The following UTP25 variants were observed in gnomAD, a reference collection of about 807,000 sequenced individuals.
UTP25 encodes the protein UTP25 small subunit processome component.
In UTP25, 50 loss-of-function variants were observed where a neutral mutation model predicts 78.9. The observed-to-expected ratio is 0.63, with a 90% confidence interval of 0.50 to 0.80. The LOEUF (loss-of-function observed/expected upper bound fraction) is 0.80, where lower values mean the gene tolerates loss of function less well. Ranked by LOEUF, UTP25 falls within the 30% of genes least tolerant of loss-of-function variation. The probability of loss-of-function intolerance (pLI) is 0.00; values close to 1 mark genes in which losing one functional copy is unlikely to be tolerated. For missense variants in UTP25, 846 were observed against 911.3 expected (o/e 0.93, Z 0.92); for synonymous variants, 329 against 336.5 (o/e 0.98, Z 0.24).
At chr1:209,836,598 C>T (rs2078134153) in intron 5 of UTP25, among the ~76,000 whole-genome samples, 1 of 152,176 alleles carries the variant, frequency 6.6e-6, no homozygotes, top group Non-Finnish European at 1.5e-5. Flanking sequence ...TCTGTGTAAA[C>T]TTTGTATCAT....
At chr1:209,828,267 A>G (rs978291697) in intron 1 of UTP25, 97 bp downstream of exon 1, 2 of 914,600 alleles carry the variant, frequency 2.2e-6, no homozygotes, top group African/African-American at 1.7e-5. Context: ...GCCTTTTCCC[A>G]CTATTCCCTG....
intron 11 of UTP25, among the ~76,000 whole-genome samples, chr1:209,846,897 G>T (rs2078200303): frequency 6.6e-6 from 1 of 152,128 alleles, no homozygotes; most frequent in Admixed American, 6.5e-5. Context: ...GATTGTGAGG[G>T]TATTTCACAG....
rs1427652915 is a variant in UTP25 at position 209,854,625 on chromosome 1, G to T, written c.*3178G>T. ...AGGAGGAAAGGGAAAGGCAGGTGGG[G>T]CCAGACCCTATTGGCCATCTGACCA... On this transcript the variant is annotated 3_prime_UTR_variant, in exon 12 of 12. Coordinates refer to ENST00000491415, the MANE Select transcript of UTP25 (RefSeq NM_014388.7). 1 of 152,364 alleles carries T rather than the reference G, an allele frequency of 6.6e-6. No homozygotes were observed. Among genetic ancestry groups the T allele is most frequent in the African/African-American group, 2.4e-5 (1 of 41,452 alleles). 9.4% of individuals were successfully genotyped at this position (152,364 alleles called of 1,614,324 possible). A position where few individuals can be genotyped will look rare whatever the true frequency, so the allele number is the denominator to read the frequency against.
chr1:209,829,971 G>C, intron 1 of UTP25, 137 bp from the exon 2 acceptor site: 4 of 682,720 alleles, frequency 5.9e-6, no homozygotes, highest in Non-Finnish European at 9.6e-6. Context: ...CCAAGTGCAT[G>C]TGTAATTTTT....
At chr1:209,843,162 GT>G in intron 10 of UTP25, 1 of 453,362 alleles carries the variant, frequency 2.2e-6, no homozygotes, top group Middle Eastern at 6.1e-4. Flanking sequence ...GAGTGACTGA[GT>G]GACTGACTGA....
At chr1:209,838,820 GC>G in intron 6 of UTP25, 88 bp from the exon 7 acceptor site, 3 of 1,428,930 alleles carry the variant, frequency 2.1e-6, no homozygotes, top group Non-Finnish European at 3.0e-6. Flanking sequence ...TCTACATGGA[GC>G]TTTTTAGCTC....
At chr1:209,845,309 T>C (rs1163623901) in intron 11 of UTP25, among the ~76,000 whole-genome samples, 1 of 152,226 alleles carries the variant, frequency 6.6e-6, no homozygotes, top group African/African-American at 2.4e-5. Flanking sequence ...TTCCAGTAAG[T>C]TGTCGTTTCC....
chr1:209,851,121 C>G, intron 11 of UTP25, 83 bp from the exon 12 acceptor site: 1 of 1,475,636 alleles, frequency 6.8e-7, no homozygotes, highest in South Asian at 1.4e-5. Context: ...CAAGCATGAA[C>G]TATGCCTCTG....
intron 8 of UTP25, 38 bp from the exon 9 acceptor site, chr1:209,842,226 CT>C (rs200054209): frequency 1.4e-6 from 2 of 1,449,616 alleles, no homozygotes; most frequent in South Asian, 2.3e-5. Flanking sequence ...TGTAAATGCT[CT>C]CAGTCAACAC....
In UTP25 at chr1:209,856,137, TTC is replaced by T. The variant is rs2078273904; in HGVS notation, c.*4693_*4694del. On this transcript the variant is annotated 3_prime_UTR_variant, in exon 12 of 12. Coordinates refer to ENST00000491415, the MANE Select transcript of UTP25 (RefSeq NM_014388.7). Reference sequence around the variant, plus strand: ...GCTCTAAACAAGTCCTCACGACCACTTCTCAGTTTTCTCATCTTTATGAAGTA... The same window carrying T: ...GCTCTAAACAAGTCCTCACGACCACTTCAGTTTTCTCATCTTTATGAAGTA... 6.6e-6 allele frequency: 1 copy of T among 152,234 alleles called. No individual in the cohort carries two copies. The highest frequency in any genetic ancestry group is 2.4e-5 in the African/African-American group (1 of 41,454). The allele number at this position is 152,234 out of a possible 1,614,324, so 9.4% of individuals were successfully genotyped here.
intron 11 of UTP25, among the ~76,000 whole-genome samples, chr1:209,846,044 G>C (rs180908828): frequency 6.6e-6 from 1 of 151,768 alleles, no homozygotes; most frequent in African/African-American, 2.4e-5. Context: ...TTTAGTAGAC[G>C]AGGTTTTGCC....
intron 10 of UTP25, 55 bp from the exon 11 acceptor site, chr1:209,843,396 G>A: frequency 1.9e-6 from 3 of 1,595,036 alleles, no homozygotes; most frequent in Non-Finnish European, 2.6e-6. Context: ...ACAGTTAAGA[G>A]ACACCATAAG....
chr1:209,833,167 T>G lies in UTP25; in HGVS notation c.389-18T>G. On this transcript the variant is annotated intron_variant, in intron 3 of 11. Coordinates refer to ENST00000491415, the MANE Select transcript of UTP25 (RefSeq NM_014388.7). ...TTTGTGAGTAAATAATTTTATAAAATGTTTCTCAAAACTGCAGATGTAGCT... is the reference window on the plus strand; with the variant it reads ...TTTGTGAGTAAATAATTTTATAAAAGGTTTCTCAAAACTGCAGATGTAGCT... 1 of 1,601,054 alleles carries G rather than the reference T, an allele frequency of 6.2e-7. No individual in the cohort carries two copies. Among genetic ancestry groups the G allele is most frequent in the Non-Finnish European group, 8.5e-7 (1 of 1,175,280 alleles).
At chr1:209,836,655 A>G (rs1333625204) in intron 5 of UTP25, 146 bp from the exon 6 acceptor site, 3 of 818,012 alleles carry the variant, frequency 3.7e-6, no homozygotes, top group African/African-American at 3.4e-5. Flanking sequence ...TAACATGAGT[A>G]TCATGGTAAC....
At chr1:209,850,622 G>C (rs1036318218) in intron 11 of UTP25, among the ~76,000 whole-genome samples, 3 of 152,242 alleles carry the variant, frequency 2.0e-5, no homozygotes, top group Non-Finnish European at 4.4e-5. Flanking sequence ...AGCTGGGAAA[G>C]AGATGGAAAT....
intron 4 of UTP25, 49 bp downstream of exon 4, chr1:209,833,407 A>G: frequency 6.8e-7 from 1 of 1,463,672 alleles, no homozygotes; most frequent in South Asian, 1.4e-5. Flanking sequence ...CTTAGTATGG[A>G]ATTTGTGTAC....
At chr1:209,850,708 C>CTTGGGGATGTT (rs2078225835) in intron 11 of UTP25, among the ~76,000 whole-genome samples, 1 of 152,192 alleles carries the variant, frequency 6.6e-6, no homozygotes, top group African/African-American at 2.4e-5. Flanking sequence ...AATGGATGAA[C>CTTGGGGATGTT]TTGGGACGTC....
chr1:209,834,432 A>G (rs6698154), intron 4 of UTP25, among the ~76,000 whole-genome samples: 22,845 of 152,146 alleles, frequency 0.15, 1,817 homozygotes, highest in South Asian at 0.21. Flanking sequence ...CATTTGTTCA[A>G]TTCAGTGGAG....
Position 209,838,927 on chromosome 1 carries a change from T to C in UTP25, c.1081T>C (p.Phe361Leu), listed in dbSNP as rs778531891. The stretch of plus-strand genomic sequence containing the variant: ...TGCACAGGTACTGATAGTGGTGCCA[T>C]TCCGGGAAGCTGCTTTGCGGGTGGT... ...TRPKVLIVVP[F>L]REAALRVVQL... Residue 361 changes from phenylalanine (F) to leucine (L), a missense_variant, in exon 7 of 12, where the codon TTC becomes CTC. By Grantham distance (22) the Phe-to-Leu change is conservative (BLOSUM62 0). Coordinates refer to ENST00000491415, the MANE Select transcript of UTP25 (RefSeq NM_014388.7). The C allele has an allele frequency of 2.0e-5, 33 of 1,613,952 alleles. No individual in the cohort carries two copies. Among genetic ancestry groups the C allele is most frequent in the Non-Finnish European group, 5.9e-6 (7 of 1,179,968 alleles).
Sources: gnomAD v4.1 joint callset for allele counts (sites outside exome capture counted in the v4.1 genomes callset) on GRCh38, gnomAD v4.1.1 for gene constraint, MANE v1.5 for transcripts, NCBI Gene and HGNC (gene_info 2026-07-23, HGNC 2026-07-21) for gene names.